Variants in ATG7 observed in about 807,000 individuals in gnomAD.
ATG7 encodes the protein autophagy related 7.
A neutral mutation model predicts 82.4 loss-of-function variants in ATG7; 70 were observed. The ratio of observed to expected loss-of-function variants is 0.85; its 90% confidence interval spans 0.70 to 1.04. ATG7 has a LOEUF of 1.04. Ranked by LOEUF, ATG7 falls within the 50% of genes least tolerant of loss-of-function variation. The pLI, the probability that ATG7 is intolerant of heterozygous loss-of-function variation, is 0.00. For missense variants in ATG7, 792 were observed against 864.3 expected, an observed-to-expected ratio of 0.92 and a Z score of 1.05; for synonymous variants, 287 against 313.0, an observed-to-expected ratio of 0.92 and a Z score of 0.88.
intron 20 of ATG7, among the ~76,000 whole-genome samples, chr3:11,490,140 G>C (rs1416987945): frequency 1.3e-5 from 2 of 152,072 alleles, no homozygotes; most frequent in Non-Finnish European, 2.9e-5. Flanking sequence ...CTCAGGACTT[G>C]CTTTATGAAT....
chr3:11,395,895 A>C (rs1303030319), intron 19 of ATG7, among the ~76,000 whole-genome samples: 1 of 139,008 alleles, frequency 7.2e-6, no homozygotes, highest in African/African-American at 2.7e-5. Context: ...AGCGGAGGTC[A>C]CACCACTATA....
chr3:11,273,684 T>A (rs1035293966), intron 1 of ATG7, among the ~76,000 whole-genome samples: 1 of 152,220 alleles, frequency 6.6e-6, no homozygotes, highest in Admixed American at 6.5e-5. Flanking sequence ...TTGCCTGTTA[T>A]GTGCCTGGCA....
chr3:11,352,246 T>C (rs2075610654), intron 14 of ATG7, among the ~76,000 whole-genome samples: 1 of 152,226 alleles, frequency 6.6e-6, no homozygotes. Flanking sequence ...TAATCCAGTC[T>C]ATCATTGATG....
chr3:11,391,674 C>A (rs777405885), intron 19 of ATG7, among the ~76,000 whole-genome samples: 1 of 152,184 alleles, frequency 6.6e-6, no homozygotes, highest in Non-Finnish European at 1.5e-5. Flanking sequence ...GAAGCCAGTG[C>A]AACATGGGCA....
intron 19 of ATG7, among the ~76,000 whole-genome samples, chr3:11,388,489 C>T (rs1044413801): frequency 2.7e-5 from 4 of 150,292 alleles, no homozygotes; most frequent in Admixed American, 1.3e-4. Flanking sequence ...AGTGCAGTGG[C>T]GCTATCTCAG....
chr3:11,358,335 G>T (rs2076066905), intron 14 of ATG7, 83 bp from the exon 15 acceptor site: 5 of 1,372,622 alleles, frequency 3.6e-6, no homozygotes, highest in Non-Finnish European at 5.0e-6. Flanking sequence ...ACAAGTAAGT[G>T]CAGGCAGCTG....
At chr3:11,507,385 C>T (rs1019054990) in intron 20 of ATG7, among the ~76,000 whole-genome samples, 7 of 151,670 alleles carry the variant, frequency 4.6e-5, no homozygotes, top group Non-Finnish European at 8.8e-5. Context: ...TTTTAAAAAC[C>T]CAAAATTTAT....
At chr3:11,375,498 A>C (rs972364073) in intron 18 of ATG7, among the ~76,000 whole-genome samples, 1 of 152,212 alleles carries the variant, frequency 6.6e-6, no homozygotes, top group Non-Finnish European at 1.5e-5. Context: ...TACAAGAGAC[A>C]ACAACAGGTG....
the ATG7 span, among the ~76,000 whole-genome samples, chr3:11,567,840 A>G: frequency 0.21 from 31,282 of 152,178 alleles, 3,487 homozygotes; most frequent in Middle Eastern, 0.27. Flanking sequence ...ATACAATTTT[A>G]TTGTTAACAA....
chr3:11,546,639 A>G (rs2071315376), intron 20 of ATG7, among the ~76,000 whole-genome samples: 1 of 152,212 alleles, frequency 6.6e-6, no homozygotes, highest in Admixed American at 6.5e-5. Context: ...AAATTGGATG[A>G]TGAGGGCTCC....
intron 1 of ATG7, among the ~76,000 whole-genome samples, chr3:11,273,391 G>T (rs568542071): frequency 1.3e-5 from 2 of 152,292 alleles, no homozygotes; most frequent in Middle Eastern, 3.4e-3. Flanking sequence ...AGGTTGAGCT[G>T]AAAGCAGCTA....
intron 20 of ATG7, among the ~76,000 whole-genome samples, chr3:11,546,836 G>A (rs74849862): frequency 2.0e-5 from 3 of 152,212 alleles, no homozygotes; most frequent in Non-Finnish European, 4.4e-5. Context: ...AGTGGGGAGC[G>A]CTGAGGTGCT....
chr3:11,365,008 C>G (rs1300022465), intron 18 of ATG7, among the ~76,000 whole-genome samples: 2 of 152,178 alleles, frequency 1.3e-5, no homozygotes, highest in East Asian at 3.9e-4. Context: ...ACAGAAAAAA[C>G]AGGCTTTGGA....
At chr3:11,292,135 A>C (rs554764212) in intron 3 of ATG7, among the ~76,000 whole-genome samples, 19 of 152,318 alleles carry the variant, frequency 1.2e-4, no homozygotes, top group Admixed American at 2.0e-4. Context: ...GACAGGAAGC[A>C]TGAAGTTGCA....
intron 20 of ATG7, among the ~76,000 whole-genome samples, chr3:11,481,939 G>A (rs1282643042): frequency 6.6e-6 from 1 of 152,218 alleles, no homozygotes; most frequent in Admixed American, 6.5e-5. Flanking sequence ...TTAGTGCTAT[G>A]CTGGGGACCT....
intron 14 of ATG7, among the ~76,000 whole-genome samples, chr3:11,350,106 C>A (rs1171609631): frequency 6.6e-6 from 1 of 152,180 alleles, no homozygotes; most frequent in Non-Finnish European, 1.5e-5. Flanking sequence ...CAAAGTTTCT[C>A]TCTTTAGTCA....
At chr3:11,403,107 T>C (rs1455684094) in intron 19 of ATG7, among the ~76,000 whole-genome samples, 1 of 152,160 alleles carries the variant, frequency 6.6e-6, no homozygotes, top group Non-Finnish European at 1.5e-5. Context: ...TGGATCTAAA[T>C]TTGTGTTTCT....
intron 19 of ATG7, among the ~76,000 whole-genome samples, chr3:11,413,899 C>A (rs2081141880): frequency 6.6e-6 from 1 of 152,088 alleles, no homozygotes; most frequent in African/African-American, 2.4e-5. Flanking sequence ...GATTCAATCT[C>A]CTTATTGGTT....
intron 6 of ATG7, chr3:11,308,777 G>T: frequency 1.7e-6 from 1 of 592,636 alleles, no homozygotes; most frequent in Non-Finnish European, 3.0e-6. Flanking sequence ...TCCCTCACTT[G>T]GCTTAGATGT....
Sources: gnomAD v4.1 joint callset for allele counts (sites outside exome capture counted in the v4.1 genomes callset) on GRCh38, gnomAD v4.1.1 for gene constraint, MANE v1.5 for transcripts, NCBI Gene and HGNC (gene_info 2026-07-23, HGNC 2026-07-21) for gene names.